STPG2: variants seen among roughly 807,000 people sequenced by gnomAD.
STPG2 encodes sperm tail PG-rich repeat containing 2, also known as sperm-tail PG-rich repeat-containing protein 2.
STPG2 carries 56 observed loss-of-function variants against 54.2 expected under a neutral mutation model. That is an observed-to-expected ratio of 1.03 (90% confidence interval 0.83 to 1.29). The LOEUF is 1.29. Ranked by LOEUF, STPG2 falls within the 50% of genes most tolerant of loss-of-function variation. STPG2 has a pLI of 0.00. For synonymous variants in STPG2, 200 were observed against 181.8 expected (o/e 1.10, Z -0.81); for missense variants, 596 against 544.9 (o/e 1.09, Z -0.93).
intron 7 of STPG2, among the ~76,000 whole-genome samples, 164 bp from the exon 8 acceptor site, chr4:97,944,171 A>T (rs1006672291): frequency 6.6e-6 from 1 of 152,094 alleles, no homozygotes; most frequent in African/African-American, 2.4e-5. Flanking sequence ...ACAGAAAGAA[A>T]AAGCTGTAAG....
At chr4:97,486,860 AACACACACACACAC>A (rs772458069) in intron 4 of STPG2, among the ~76,000 whole-genome samples, 8 of 125,620 alleles carry the variant, frequency 6.4e-5, no homozygotes, top group South Asian at 2.8e-4. Context: ...TATGTATACA[AACACACACACACAC>A]ACACACACAC....
In STPG2 at chr4:97,477,671, T is replaced by C. The variant is rs550357949; in HGVS notation, c.462+235028A>G. Reference sequence around the variant, plus strand: ...TTTTTTTTTTTTCTTTTTGTATTTTTAGTAGAGATGGGGTTTCACCATGTT... The same window carrying C: ...TTTTTTTTTTTTCTTTTTGTATTTTCAGTAGAGATGGGGTTTCACCATGTT... On this transcript the variant is annotated intron_variant, in intron 4 of 4. Coordinates refer to the STPG2 transcript ENST00000522676. Among the ~76,000 whole-genome samples, 5 of 151,424 alleles carry C rather than the reference T, an allele frequency of 3.3e-5. No individual in the cohort carries two copies. The South Asian group carries it at 1.0e-3, about 32-fold the overall frequency.
chr4:97,717,500 A>G (rs959714229), intron 9 of STPG2, among the ~76,000 whole-genome samples: 4 of 152,170 alleles, frequency 2.6e-5, no homozygotes, highest in Non-Finnish European at 4.4e-5. Context: ...TGTCACTGTT[A>G]TGACATATAA....
chr4:97,949,519 T>C (rs1348360701), intron 7 of STPG2, among the ~76,000 whole-genome samples: 1 of 152,190 alleles, frequency 6.6e-6, no homozygotes, highest in African/African-American at 2.4e-5. Flanking sequence ...GTTTTATGCT[T>C]GCAAGAGGTT....
At chr4:97,569,045 G>C (rs748208263) in intron 10 of STPG2, among the ~76,000 whole-genome samples, 13 of 152,042 alleles carry the variant, frequency 8.6e-5, no homozygotes, top group Non-Finnish European at 1.6e-4. Flanking sequence ...TTAAGTAAAC[G>C]AATAAAAGAA....
intron 5 of STPG2, among the ~76,000 whole-genome samples, chr4:98,067,466 C>T (rs1737869793): frequency 1.3e-5 from 2 of 152,094 alleles, no homozygotes; most frequent in African/African-American, 4.8e-5. Context: ...AACAGTATTG[C>T]TGATTATTAT....
At chr4:97,939,174 T>C (rs1420118326) in intron 8 of STPG2, among the ~76,000 whole-genome samples, 2 of 152,202 alleles carry the variant, frequency 1.3e-5, no homozygotes, top group African/African-American at 2.4e-5. Context: ...GGTCCAAGGA[T>C]GCGTTTGGTA....
chr4:97,812,806 G>C (rs1450557382), intron 9 of STPG2, among the ~76,000 whole-genome samples: 1 of 152,010 alleles, frequency 6.6e-6, no homozygotes, highest in Non-Finnish European at 1.5e-5. Flanking sequence ...TTATTTTCAG[G>C]CCAGACATTC....
intron 6 of STPG2, among the ~76,000 whole-genome samples, chr4:97,976,591 TATAGTA>T (rs1382225582): frequency 1.3e-5 from 2 of 152,080 alleles, no homozygotes; most frequent in African/African-American, 4.8e-5. Context: ...AGGGGTGCCT[TATAGTA>T]GTAACTTGCA....
chr4:97,474,361 C>T (rs750691906), intron 4 of STPG2, among the ~76,000 whole-genome samples: 11 of 151,794 alleles, frequency 7.2e-5, no homozygotes, highest in South Asian at 2.1e-4. Context: ...AATGAGAACA[C>T]GAAAAAGCGA....
At chr4:98,054,093 G>A (rs1737410607) in intron 5 of STPG2, among the ~76,000 whole-genome samples, 1 of 149,802 alleles carries the variant, frequency 6.7e-6, no homozygotes, top group African/African-American at 2.5e-5. Flanking sequence ...ATGATACAGG[G>A]GAAAATATCA....
intron 8 of STPG2, among the ~76,000 whole-genome samples, chr4:97,860,463 C>T (rs1729484858): frequency 7.4e-6 from 1 of 134,284 alleles, no homozygotes; most frequent in African/African-American, 2.7e-5. Flanking sequence ...AGGTATATTC[C>T]TAAGTTTTAT....
intron 9 of STPG2, among the ~76,000 whole-genome samples, chr4:97,730,923 C>T (rs976794299): frequency 6.6e-6 from 1 of 152,162 alleles, no homozygotes; most frequent in African/African-American, 2.4e-5. Context: ...ATTTTATTAG[C>T]TTCCTTGGAT....
intron 9 of STPG2, among the ~76,000 whole-genome samples, chr4:97,778,339 A>G (rs1726453974): frequency 6.6e-6 from 1 of 152,128 alleles, no homozygotes; most frequent in South Asian, 2.1e-4. Context: ...GCTCATTCCT[A>G]GCACAGCAGT....
chr4:97,898,898 G>T (rs954397411), intron 8 of STPG2, among the ~76,000 whole-genome samples: 15 of 151,558 alleles, frequency 9.9e-5, no homozygotes, highest in South Asian at 2.1e-4. Flanking sequence ...AAAGGAAATG[G>T]GAGAATGACT....
intron 4 of STPG2, among the ~76,000 whole-genome samples, chr4:97,546,934 A>T (rs1243143834): frequency 6.6e-6 from 1 of 152,216 alleles, no homozygotes; most frequent in Non-Finnish European, 1.5e-5. Context: ...TGATGCAATA[A>T]ATATAGAAGA....
chr4:97,669,051 AAAT>A (rs1304844287), intron 10 of STPG2, among the ~76,000 whole-genome samples: 5 of 152,106 alleles, frequency 3.3e-5, no homozygotes, highest in African/African-American at 1.2e-4. Flanking sequence ...TTAAAAAAAA[AAAT>A]CAGGAAGAAG....
chr4:97,841,529 A>G (rs879574999), intron 8 of STPG2, among the ~76,000 whole-genome samples: 1 of 151,886 alleles, frequency 6.6e-6, no homozygotes, highest in Non-Finnish European at 1.5e-5. Context: ...TTGGACAAGT[A>G]ATGCCTTAAA....
At chr4:97,869,180 A>T (rs1729894513) in intron 8 of STPG2, among the ~76,000 whole-genome samples, 1 of 151,812 alleles carries the variant, frequency 6.6e-6, no homozygotes, top group African/African-American at 2.4e-5. Context: ...TACACAAAAC[A>T]CCTTAATATT....
Sources: gnomAD v4.1 joint callset for allele counts (sites outside exome capture counted in the v4.1 genomes callset) on GRCh38, gnomAD v4.1.1 for gene constraint, MANE v1.5 for transcripts, NCBI Gene and HGNC (gene_info 2026-07-23, HGNC 2026-07-21) for gene names.